Variants in TSGA10 observed in about 807,000 individuals in gnomAD.
TSGA10 encodes testis specific 10.
TSGA10 carries 43 observed loss-of-function variants against 96.6 expected under a neutral mutation model. The observed-to-expected ratio is 0.44, with a 90% CI of 0.35 to 0.57. TSGA10 has a LOEUF of 0.57. TSGA10 is among the 20% of genes least tolerant of loss of function. The pLI is 0.01. For missense variants in TSGA10, 703 were observed against 834.4 expected, an observed-to-expected ratio of 0.84 and a Z score of 1.94; for synonymous variants, 229 against 269.9, an observed-to-expected ratio of 0.85 and a Z score of 1.48.
intron 17 of TSGA10, among the ~76,000 whole-genome samples, chr2:99,033,169 A>G (rs1447884645): frequency 1.3e-5 from 2 of 152,198 alleles, no homozygotes; most frequent in Non-Finnish European, 2.9e-5. Flanking sequence ...TGTGTCATCT[A>G]TAGAGAAATG....
At chr2:99,052,676 T>C (rs760917450) in intron 16 of TSGA10, among the ~76,000 whole-genome samples, 36 of 151,694 alleles carry the variant, frequency 2.4e-4, no homozygotes, top group Admixed American at 9.2e-4. Context: ...AGGCGGAGCT[T>C]GCAGTGAGCC....
chr2:99,103,831 A>T, intron 10 of TSGA10, 136 bp downstream of exon 10: 1 of 1,014,112 alleles, frequency 9.9e-7, no homozygotes, highest in Non-Finnish European at 1.4e-6. Context: ...CTGTGTGCCA[A>T]GGGTTCCTAC....
chr2:99,110,193 A>G (rs2091678752), intron 5 of TSGA10, among the ~76,000 whole-genome samples: 1 of 152,172 alleles, frequency 6.6e-6, no homozygotes. Flanking sequence ...GCTACTACTA[A>G]AGCAACTGTT....
rs1033434862 is a variant in TSGA10 at position 98,997,319 on chromosome 2, A to C, written c.*878T>G. On this transcript the variant is annotated 3_prime_UTR_variant, in exon 21 of 21. Coordinates refer to ENST00000393483, the MANE Select transcript of TSGA10 (RefSeq NM_025244.4). ...GGCAAGAATACAAATAGTTTATATC[A>C]GTAAAATACAGTAGCATTCAGGCTC... 6.6e-6 allele frequency: 1 copy of C among 152,208 alleles called. No homozygotes were observed. The highest frequency in any genetic ancestry group is 2.4e-5 in the African/African-American group (1 of 41,558). The allele number at this position is 152,208 out of a possible 1,614,324, so 9.4% of individuals were successfully genotyped here. A position where few individuals can be genotyped will look rare whatever the true frequency, so the allele number is the denominator to read the frequency against.
At chr2:99,026,866 T>C (rs987776762) in intron 17 of TSGA10, among the ~76,000 whole-genome samples, 3 of 152,154 alleles carry the variant, frequency 2.0e-5, no homozygotes, top group Non-Finnish European at 4.4e-5. Context: ...TCCCCAACCT[T>C]TTTGTCACCA....
intron 7 of TSGA10, among the ~76,000 whole-genome samples, chr2:99,108,280 T>C (rs1229873291): frequency 1.3e-5 from 2 of 152,122 alleles, no homozygotes; most frequent in Non-Finnish European, 2.9e-5. Context: ...ACCCTGTGTA[T>C]AGTAGCTATA....
At position 99,154,937 on chromosome 2, in the gene TSGA10, G is replaced by T; in HGVS notation, c.-865C>A. On this transcript the variant is annotated 5_prime_UTR_variant, in exon 1 of 21. Coordinates refer to ENST00000393483, the MANE Select transcript of TSGA10 (RefSeq NM_025244.4). ...CCTTCTCTTGCGCTTCAGGGGGCCG[G>T]CCCTCAGGGGGCGGGGCAGCATCGC... 2.2e-6 allele frequency: 1 copy of T among 451,074 alleles called. No individual in the cohort carries two copies. Among genetic ancestry groups the T allele is most frequent in the Non-Finnish European group, 4.5e-6 (1 of 223,836 alleles). 27.9% of individuals were successfully genotyped at this position (451,074 alleles called of 1,614,324 possible).
At chr2:99,007,715 T>C (rs1306957995) in intron 20 of TSGA10, among the ~76,000 whole-genome samples, 1 of 152,092 alleles carries the variant, frequency 6.6e-6, no homozygotes, top group Non-Finnish European at 1.5e-5. Flanking sequence ...TATTAAACAG[T>C]GATATAAAAG....
At chr2:99,060,311 AT>A (rs1479512687) in intron 16 of TSGA10, among the ~76,000 whole-genome samples, 1 of 152,142 alleles carries the variant, frequency 6.6e-6, no homozygotes, top group Non-Finnish European at 1.5e-5. Context: ...TTACAATGGC[AT>A]TGTAAAGACT....
chr2:99,103,770 T>C (rs1273455571), intron 10 of TSGA10, among the ~76,000 whole-genome samples, 197 bp downstream of exon 10: 2 of 152,226 alleles, frequency 1.3e-5, no homozygotes, highest in Non-Finnish European at 2.9e-5. Flanking sequence ...GTGTGATTCC[T>C]AGTTAAGTGT....
intron 16 of TSGA10, among the ~76,000 whole-genome samples, chr2:99,062,817 G>C (rs575154047): frequency 7.9e-5 from 12 of 152,238 alleles, no homozygotes; most frequent in African/African-American, 2.9e-4. Flanking sequence ...GGCAATGAAA[G>C]GATTATCTCA....
chr2:99,073,997 TTTC>T, intron 12 of TSGA10, among the ~76,000 whole-genome samples: 2 of 140,260 alleles, frequency 1.4e-5, no homozygotes, highest in Non-Finnish European at 1.5e-5. Flanking sequence ...TCCTGTTTCT[TTTC>T]TTTTTTTTTT....
chr2:99,127,069 G>T lies in TSGA10; in HGVS notation c.-513C>A, dbSNP rs867343511. 1 of 1,289,348 alleles carries T rather than the reference G, an allele frequency of 7.8e-7. No homozygotes were observed. Among genetic ancestry groups the T allele is most frequent in the South Asian group, 1.2e-5 (1 of 80,846 alleles). The allele number at this position is 1,289,348 out of a possible 1,614,324, so 79.9% of individuals were successfully genotyped here. A position where few individuals can be genotyped will look rare whatever the true frequency, so the allele number is the denominator to read the frequency against. ...CAACCTGTAATTTCAGTGTCGAGATGAATCTATCTTGGTTTCTCACTTCTT... is the reference window on the plus strand; with the variant it reads ...CAACCTGTAATTTCAGTGTCGAGATTAATCTATCTTGGTTTCTCACTTCTT... On this transcript the variant is annotated 5_prime_UTR_variant, in exon 2 of 21. Coordinates refer to ENST00000393483, the MANE Select transcript of TSGA10 (RefSeq NM_025244.4).
intron 14 of TSGA10, among the ~76,000 whole-genome samples, chr2:99,071,385 A>T (rs999158018): frequency 7.3e-5 from 11 of 151,244 alleles, no homozygotes; most frequent in East Asian, 1.9e-4. Flanking sequence ...CATTTTTTTA[A>T]AAAAAAAACA....
intron 10 of TSGA10, among the ~76,000 whole-genome samples, chr2:99,085,140 AG>A (rs2088092752): frequency 6.6e-6 from 1 of 151,974 alleles, no homozygotes; most frequent in Non-Finnish European, 1.5e-5. Flanking sequence ...CTAGCTACTC[AG>A]GAGGCTGAGG....
intron 5 of TSGA10, 142 bp from the exon 6 acceptor site, chr2:99,109,654 T>C (rs2091642399): frequency 1.9e-6 from 1 of 530,284 alleles, no homozygotes; most frequent in South Asian, 8.2e-5. Flanking sequence ...TAAAAACATT[T>C]AATTTGGTAT....
At chr2:99,147,219 T>C (rs966891502) in intron 1 of TSGA10, 8 of 440,864 alleles carry the variant, frequency 1.8e-5, no homozygotes, top group Admixed American at 1.1e-4. Context: ...CAGGCTGGTC[T>C]CAAACTGCTG....
At chr2:99,149,677 C>T (rs180807513) in intron 1 of TSGA10, among the ~76,000 whole-genome samples, 31 of 151,508 alleles carry the variant, frequency 2.0e-4, no homozygotes, top group African/African-American at 6.5e-4. Context: ...CTCCTGACCT[C>T]GTGATCCACC....
In TSGA10 at chr2:99,052,523, G is replaced by A. The variant is rs192284029; in HGVS notation, c.1404+12416C>T. On this transcript the variant is annotated intron_variant, in intron 16 of 20. Coordinates refer to ENST00000393483, the MANE Select transcript of TSGA10 (RefSeq NM_025244.4). ...GGAGGCCTAGGAGGGCGGATCACGA[G>A]GTCAGGAGATTGAGACCATCCTGGC... Among the ~76,000 whole-genome samples, 890 of 152,126 alleles carry A rather than the reference G, an allele frequency of 5.9e-3. 10 individuals are homozygous for A. Among genetic ancestry groups the A allele is most frequent in the African/African-American group, 0.021 (853 of 41,518 alleles).
Sources: gnomAD v4.1 joint callset for allele counts (sites outside exome capture counted in the v4.1 genomes callset) on GRCh38, gnomAD v4.1.1 for gene constraint, MANE v1.5 for transcripts, NCBI Gene and HGNC (gene_info 2026-07-23, HGNC 2026-07-21) for gene names.